The following SNX7 variants were observed in gnomAD, a reference collection of about 807,000 sequenced individuals.
SNX7 encodes sorting nexin 7, also known as sorting nexin-7.
SNX7 carries 35 observed loss-of-function variants against 48.4 expected under a neutral mutation model. The observed-to-expected ratio is 0.72, with a 90% confidence interval of 0.55 to 0.96. The LOEUF (loss-of-function observed/expected upper bound fraction) is 0.96, where lower values mean the gene tolerates loss of function less well. Among genes scored for constraint, SNX7 ranks in the 40% least tolerant of loss-of-function variants. The probability of loss-of-function intolerance (pLI) is 0.00; values close to 1 mark genes in which losing one functional copy is unlikely to be tolerated. For synonymous variants in SNX7, 190 were observed against 190.2 expected, an observed-to-expected ratio of 1.00 and a Z score of 0.01; for missense variants, 553 against 548.9, an observed-to-expected ratio of 1.01 and a Z score of -0.07.
At chr1:98,671,844 A>G (rs537888902) in intron 1 of SNX7, among the ~76,000 whole-genome samples, 3 of 152,256 alleles carry the variant, frequency 2.0e-5, no homozygotes, top group Non-Finnish European at 4.4e-5. Flanking sequence ...TTTTAGGTTC[A>G]TTTCTATTAG....
chr1:98,726,809 C>A (rs1264701216), intron 7 of SNX7, among the ~76,000 whole-genome samples: 2 of 152,118 alleles, frequency 1.3e-5, no homozygotes, highest in Admixed American at 1.3e-4. Flanking sequence ...ATCTTAAGTC[C>A]CTGCTAGACT....
At chr1:98,661,578 A>G (rs1649211426), upstream of SNX7, 5 of 672,978 alleles carry the variant, frequency 7.4e-6, no homozygotes, top group Non-Finnish European at 1.0e-5. Context: ...GGCCCGGGCC[A>G]GCGCTGGTCC....
chr1:98,738,532 A>T, intron 8 of SNX7, 143 bp downstream of exon 8: 1 of 762,310 alleles, frequency 1.3e-6, no homozygotes, highest in Non-Finnish European at 2.1e-6. Flanking sequence ...TGAAGTTGTC[A>T]GTTACCATTT....
intron 5 of SNX7, among the ~76,000 whole-genome samples, chr1:98,696,941 T>C (rs1216670778): frequency 1.3e-5 from 2 of 152,252 alleles, no homozygotes; most frequent in Admixed American, 6.5e-5. Flanking sequence ...TTGGGAAATA[T>C]GTATATTAAC....
At chr1:98,735,913 TC>T (rs1016011251) in intron 7 of SNX7, among the ~76,000 whole-genome samples, 3 of 152,128 alleles carry the variant, frequency 2.0e-5, no homozygotes, top group Middle Eastern at 3.2e-3. Context: ...AAGGCTACAG[TC>T]CTTCTTTCTG....
At chr1:98,739,855 T>G (rs1317058878) in intron 8 of SNX7, among the ~76,000 whole-genome samples, 3 of 152,148 alleles carry the variant, frequency 2.0e-5, no homozygotes, top group Non-Finnish European at 4.4e-5. Context: ...AATTTATTCT[T>G]TTACCTTTAA....
At chr1:98,678,334 A>T (rs1313649076) in intron 1 of SNX7, among the ~76,000 whole-genome samples, 1 of 152,090 alleles carries the variant, frequency 6.6e-6, no homozygotes, top group Non-Finnish European at 1.5e-5. Context: ...TTCATGAGGG[A>T]TTCACCCTAA....
chr1:98,741,360 T>C (rs1654059239), intron 8 of SNX7, among the ~76,000 whole-genome samples: 1 of 152,190 alleles, frequency 6.6e-6, no homozygotes, highest in Non-Finnish European at 1.5e-5. Flanking sequence ...TATTATCATA[T>C]TGTGCAATAA....
intron 7 of SNX7, among the ~76,000 whole-genome samples, chr1:98,706,788 A>G (rs958253080): frequency 5.9e-5 from 9 of 152,162 alleles, no homozygotes; most frequent in African/African-American, 9.6e-5. Flanking sequence ...TCGTGAGCCA[A>G]TAAGGAGAGG....
chr1:98,677,588 G>A (rs1045018033), intron 1 of SNX7, among the ~76,000 whole-genome samples: 5 of 152,126 alleles, frequency 3.3e-5, no homozygotes, highest in African/African-American at 1.2e-4. Context: ...ATTAGAAATA[G>A]AGGTATATAG....
chr1:98,744,587 T>C (rs1049762538), intron 8 of SNX7, among the ~76,000 whole-genome samples: 1 of 152,036 alleles, frequency 6.6e-6, no homozygotes, highest in Admixed American at 6.6e-5. Flanking sequence ...AAAAATGAAT[T>C]GCTAGTGGAA....
chr1:98,701,893 A>C lies in SNX7; in HGVS notation c.1115A>C (p.Asp372Ala). The C allele has an allele frequency of 6.2e-7, 1 of 1,606,752 alleles. No individual in the cohort carries two copies. Reference sequence around the variant, plus strand: ...GAAGTTTTGACCTATAAAAAGGCAGATACTGATCTGGTAAGTTTTTAAGTT... The same window carrying C: ...GAAGTTTTGACCTATAAAAAGGCAGCTACTGATCTGGTAAGTTTTTAAGTT... ...KVEVLTYKKA[D>A]TDLLPEEIGK... Residue 372 changes from aspartate to alanine, a missense_variant, in exon 7 of 9, where the codon GAT (aspartate) becomes GCT (alanine). By Grantham distance (126) the Asp-to-Ala change is moderately radical (BLOSUM62 -2). Transcript: ENST00000306121.
In SNX7 at chr1:98,695,568, G is replaced by T. The variant is rs149985584; in HGVS notation, c.690G>T (p.Gly230=). ...GTCCTGGCTTGCTAAGCAGGATGGG[G>T]CAAACCGTCAGAGCTGTTGCGTCCT... is the stretch of plus-strand genomic sequence containing the variant. The part of the protein sequence containing the change: ...KQGPGLLSRM[G]QTVRAVASSM... The change falls in exon 5 of 9, where the codon GGG becomes GGT. Residue 230 remains glycine, a synonymous_variant. Transcript: ENST00000306121. 6.2e-7 allele frequency: 1 copy of T among 1,614,098 alleles called. No homozygotes were observed. Among genetic ancestry groups the T allele is most frequent in the Non-Finnish European group, 8.5e-7 (1 of 1,180,012 alleles).
At chr1:98,739,327 CA>C (rs1195076988) in intron 8 of SNX7, among the ~76,000 whole-genome samples, 1 of 152,188 alleles carries the variant, frequency 6.6e-6, no homozygotes, top group African/African-American at 2.4e-5. Context: ...GTCCATGGCC[CA>C]GGGGTTGAGG....
intron 7 of SNX7, among the ~76,000 whole-genome samples, chr1:98,709,027 C>T (rs1208408559): frequency 1.3e-5 from 2 of 152,112 alleles, no homozygotes; most frequent in Non-Finnish European, 2.9e-5. Flanking sequence ...TAAAGCACAG[C>T]ATTTTGTGGC....
At position 98,691,114 on chromosome 1, in the gene SNX7, A is replaced by T; in HGVS notation, c.403A>T (p.Arg135Trp). ...ATTTGACTCCAGTGAATTTGAAGTT[A>T]GGAGACGATATCAAGATTTCCTTTG... ...GEFDSSEFEVRRRYQDFLWLK... is the reference protein window; with the variant it reads ...GEFDSSEFEVWRRYQDFLWLK... Residue 135 changes from arginine (R) to tryptophan (W), a missense_variant, in exon 3 of 9, where the codon AGG becomes TGG. Transcript: ENST00000306121. The T allele has an allele frequency of 2.5e-6, 4 of 1,609,378 alleles. No individual in the cohort carries two copies. Among genetic ancestry groups the T allele is most frequent in the Non-Finnish European group, 3.4e-6 (4 of 1,177,314 alleles).
At chr1:98,681,876 T>C (rs1203968969) in intron 1 of SNX7, among the ~76,000 whole-genome samples, 1 of 152,202 alleles carries the variant, frequency 6.6e-6, no homozygotes, top group Non-Finnish European at 1.5e-5. Context: ...TCTTGTTTTC[T>C]GAAAATACAC....
chr1:98,742,417 T>C (rs992124788), intron 8 of SNX7, among the ~76,000 whole-genome samples: 1 of 152,228 alleles, frequency 6.6e-6, no homozygotes, highest in African/African-American at 2.4e-5. Context: ...GAGATAGCGC[T>C]GTCCTCTCTG....
At chr1:98,694,229 G>T (rs1651310192) in intron 4 of SNX7, among the ~76,000 whole-genome samples, 1 of 151,972 alleles carries the variant, frequency 6.6e-6, no homozygotes, top group South Asian at 2.1e-4. Context: ...AATTAGCCGG[G>T]CGCGGTGGTG....
Sources: gnomAD v4.1 joint callset for allele counts (sites outside exome capture counted in the v4.1 genomes callset) on GRCh38, gnomAD v4.1.1 for gene constraint, MANE v1.5 for transcripts, NCBI Gene and HGNC (gene_info 2026-07-23, HGNC 2026-07-21) for gene names.